Variants in ESR1 observed in about 807,000 individuals in gnomAD.
The protein encoded by ESR1 is estrogen receptor 1.
Under a neutral mutation model 52.7 loss-of-function variants are expected in ESR1, and 12 were observed. The observed-to-expected ratio is 0.23, with a 90% CI of 0.15 to 0.37. The LOEUF is 0.37. Among genes scored for constraint, ESR1 ranks in the 10% least tolerant of loss-of-function variants. The pLI is 1.00. For synonymous variants in ESR1, 305 were observed against 316.8 expected (o/e 0.96, Z 0.39); for missense variants, 584 against 779.7 (o/e 0.75, Z 2.99).
intron 1 of ESR1, among the ~76,000 whole-genome samples, chr6:151,695,479 ATTTCT>A (rs1248179549): frequency 6.6e-6 from 1 of 152,110 alleles, no homozygotes; most frequent in African/African-American, 2.4e-5. Context: ...GCTTTTTGAC[ATTTCT>A]TTTTCCAACT....
chr6:152,124,198 T>C (rs930450461), intron 6 of ESR1, among the ~76,000 whole-genome samples: 15 of 152,038 alleles, frequency 9.9e-5, no homozygotes, highest in Non-Finnish European at 2.1e-4. Flanking sequence ...CCCAGTCACT[T>C]GGGAGGCTGA....
At chr6:151,769,899 GC>G (rs1785368668) in intron 2 of ESR1, among the ~76,000 whole-genome samples, 1 of 152,118 alleles carries the variant, frequency 6.6e-6, no homozygotes, top group Non-Finnish European at 1.5e-5. Context: ...ATGGTGGCAC[GC>G]GTCTGCAGTC....
chr6:151,942,934 T>A (rs188408400), intron 3 of ESR1, among the ~76,000 whole-genome samples: 108 of 152,312 alleles, frequency 7.1e-4, no homozygotes, highest in Admixed American at 1.2e-3. Flanking sequence ...AATAGTTGTT[T>A]TTTTGCAGAT....
In ESR1 at chr6:152,101,936, C is replaced by T. The variant is rs17847066; in HGVS notation, c.*2970C>T. 106 of 218,142 alleles carry T rather than the reference C, an allele frequency of 4.9e-4. 2 individuals are homozygous for T. In the East Asian group the frequency reaches 7.2e-3, roughly 15 times the overall value. 13.5% of individuals were successfully genotyped at this position (218,142 alleles called of 1,614,324 possible). A position where few individuals can be genotyped will look rare whatever the true frequency, so the allele number is the denominator to read the frequency against. On this transcript the variant is annotated 3_prime_UTR_variant, in exon 8 of 8. Transcript: ENST00000206249. ...TTCAGTTCTAGAGAAGAAAGAACAA[C>T]ATCAGCAGTAAAGTCCATGGAATAG... is the stretch of plus-strand genomic sequence containing the variant.
chr6:151,853,248 A>G (rs1787212745), intron 2 of ESR1, among the ~76,000 whole-genome samples: 1 of 151,322 alleles, frequency 6.6e-6, no homozygotes, highest in Non-Finnish European at 1.5e-5. Context: ...AAAGGCGGGC[A>G]TTAACTTCAG....
chr6:151,954,619 A>G (rs2036698218), intron 4 of ESR1, among the ~76,000 whole-genome samples: 1 of 152,200 alleles, frequency 6.6e-6, no homozygotes, highest in South Asian at 2.1e-4. Flanking sequence ...GCACATCATA[A>G]CATTTGATTC....
chr6:151,905,559 A>C (rs1182173233), intron 3 of ESR1, among the ~76,000 whole-genome samples: 1 of 152,208 alleles, frequency 6.6e-6, no homozygotes, highest in Non-Finnish European at 1.5e-5. Flanking sequence ...ACTTAATAAA[A>C]GGAAATATTC....
intron 5 of ESR1, among the ~76,000 whole-genome samples, chr6:152,030,346 T>C (rs2044573166): frequency 1.3e-5 from 2 of 151,926 alleles, no homozygotes; most frequent in African/African-American, 2.4e-5. Flanking sequence ...GACTGGCAAA[T>C]TGGATAAAGA....
At chr6:151,919,024 A>T (rs867123038) in intron 3 of ESR1, among the ~76,000 whole-genome samples, 1 of 152,226 alleles carries the variant, frequency 6.6e-6, no homozygotes, top group Admixed American at 6.5e-5. Context: ...AGTAACTGAT[A>T]GTAGCCAAGA....
rs138883313 is a variant in ESR1 at position 151,995,905 on chromosome 6, A to G, written c.1097-15751A>G. On this transcript the variant is annotated intron_variant, in intron 4 of 7. Transcript: ENST00000206249. ...GGAAAGTGCTTTTTTGTTAAGCTCC[A>G]TTTTCAGCTGAAGAAGCTGAGGCCT... Among the ~76,000 whole-genome samples, 13 of 152,238 alleles carry G rather than the reference A, an allele frequency of 8.5e-5. No homozygotes were observed. The East Asian group carries it at 1.4e-3, about 16-fold the overall frequency.
chr6:151,703,338 TG>T (rs1333891325), intron 2 of ESR1, among the ~76,000 whole-genome samples: 1 of 152,202 alleles, frequency 6.6e-6, no homozygotes, highest in Non-Finnish European at 1.5e-5. Context: ...GCCAGTCTTC[TG>T]AGGCTGGAGG....
intron 4 of ESR1, among the ~76,000 whole-genome samples, chr6:152,010,910 T>C (rs74890621): frequency 2.6e-5 from 3 of 115,330 alleles, no homozygotes; most frequent in East Asian, 4.2e-4. Flanking sequence ...CCTCCTCCTC[T>C]TCTTCTTCCT....
At chr6:151,791,224 T>C (rs539178137) in intron 2 of ESR1, among the ~76,000 whole-genome samples, 63 of 152,300 alleles carry the variant, frequency 4.1e-4, no homozygotes, top group African/African-American at 1.4e-3. Context: ...TCTTGAATTG[T>C]AGCTCCCATA....
At position 152,032,902 on chromosome 6, in the gene ESR1, C is replaced by T. The variant is rs544679272; in HGVS notation, c.1235+21108C>T. On this transcript the variant is annotated intron_variant, in intron 5 of 7. Transcript: ENST00000206249. ...CTGACTTCAAACTATACTACAAGGCCACAGTAACGAAAACAGCATGGTACT... is the reference window on the plus strand; with the variant it reads ...CTGACTTCAAACTATACTACAAGGCTACAGTAACGAAAACAGCATGGTACT... 7.9e-5 allele frequency among the ~76,000 whole-genome samples: 12 copies of T among 152,046 alleles called. No homozygotes were observed. In the East Asian group the frequency reaches 2.1e-3, roughly 27 times the overall value.
intron 2 of ESR1, among the ~76,000 whole-genome samples, chr6:151,789,394 A>G (rs1293399073): frequency 2.0e-5 from 3 of 152,230 alleles, no homozygotes; most frequent in Non-Finnish European, 4.4e-5. Flanking sequence ...TATTTTATAA[A>G]TGAACAAATA....
intron 6 of ESR1, among the ~76,000 whole-genome samples, chr6:152,079,260 T>G (rs1018254989): frequency 6.6e-6 from 1 of 152,092 alleles, no homozygotes; most frequent in African/African-American, 2.4e-5. Flanking sequence ...AACAGGCAGG[T>G]GCCCTCTGGG....
chr6:151,737,620 C>T (rs1782775305), intron 2 of ESR1, among the ~76,000 whole-genome samples: 1 of 152,136 alleles, frequency 6.6e-6, no homozygotes, highest in Non-Finnish European at 1.5e-5. Flanking sequence ...AGTGCACCTT[C>T]AGCACCTGCC....
upstream of ESR1, chr6:151,807,505 G>T (rs530932023): frequency 3.0e-5 from 9 of 303,884 alleles, no homozygotes; most frequent in East Asian, 6.4e-4. Flanking sequence ...GCGACGACAA[G>T]TAAAGTAAAG....
chr6:151,974,439 G>T (rs2039234230), intron 4 of ESR1, among the ~76,000 whole-genome samples: 1 of 152,166 alleles, frequency 6.6e-6, no homozygotes. Context: ...GAAACACGTG[G>T]TCTGATTACA....
Sources: gnomAD v4.1 joint callset for allele counts (sites outside exome capture counted in the v4.1 genomes callset) on GRCh38, gnomAD v4.1.1 for gene constraint, MANE v1.5 for transcripts, NCBI Gene and HGNC (gene_info 2026-07-23, HGNC 2026-07-21) for gene names.